Variants in PARD3 observed in about 807,000 individuals in gnomAD.
The protein encoded by PARD3 is par-3 family cell polarity regulator.
Under a neutral mutation model 155.4 loss-of-function variants are expected in PARD3, and 75 were observed. The observed-to-expected ratio is 0.48, with a 90% CI of 0.40 to 0.58. The LOEUF is 0.58. Among genes scored for constraint, PARD3 ranks in the 20% least tolerant of loss-of-function variants. The pLI is 0.00. For missense variants in PARD3, 1,642 were observed against 1,721.7 expected (o/e 0.95, Z 0.82); for synonymous variants, 576 against 610.5 (o/e 0.94, Z 0.83).
At chr10:34,648,191 T>C (rs1042674953) in intron 2 of PARD3, among the ~76,000 whole-genome samples, 1 of 152,202 alleles carries the variant, frequency 6.6e-6, no homozygotes, top group African/African-American at 2.4e-5. Flanking sequence ...TGCAAACCTA[T>C]AAAGCCCAGT....
chr10:34,185,811 C>T (rs1564464495), intron 22 of PARD3, among the ~76,000 whole-genome samples: 1 of 143,706 alleles, frequency 7.0e-6, no homozygotes, highest in East Asian at 2.0e-4. Flanking sequence ...GTAACATCTT[C>T]TATATTATAT....
At chr10:34,606,070 T>G (rs1456998682) in intron 2 of PARD3, among the ~76,000 whole-genome samples, 1 of 144,916 alleles carries the variant, frequency 6.9e-6, no homozygotes, top group Non-Finnish European at 1.5e-5. Flanking sequence ...GAGGAAAAAC[T>G]CCCCTTTATA....
At chr10:34,442,513 G>A (rs1166466012) in intron 5 of PARD3, among the ~76,000 whole-genome samples, 1 of 152,192 alleles carries the variant, frequency 6.6e-6, no homozygotes, top group African/African-American at 2.4e-5. Context: ...AAGGAGGCGA[G>A]GCTACGCATT....
At chr10:34,495,634 G>A (rs1224508010) in intron 3 of PARD3, among the ~76,000 whole-genome samples, 1 of 152,174 alleles carries the variant, frequency 6.6e-6, no homozygotes, top group Admixed American at 6.5e-5. Context: ...GTATGGGGCA[G>A]AAAATATATT....
At chr10:34,612,534 C>G (rs2090986255) in intron 2 of PARD3, among the ~76,000 whole-genome samples, 1 of 152,180 alleles carries the variant, frequency 6.6e-6, no homozygotes, top group South Asian at 2.1e-4. Flanking sequence ...GGCACAATGT[C>G]TGGTGCTCTA....
At position 34,165,539 on chromosome 10, in the gene PARD3, G is replaced by A. The variant is rs189570749; in HGVS notation, c.3420-33956C>T. On this transcript the variant is annotated intron_variant, in intron 22 of 24. Coordinates refer to ENST00000374788, the MANE Select transcript of PARD3 (RefSeq NM_001184785.2). ...CAAGAGGAAAAACCGCTTTGTTCTTGCACAAGGCTAATGCACAGAGCCAGT... is the reference window on the plus strand; with the variant it reads ...CAAGAGGAAAAACCGCTTTGTTCTTACACAAGGCTAATGCACAGAGCCAGT... Among the ~76,000 whole-genome samples, 477 of 152,282 alleles carry A rather than the reference G, an allele frequency of 3.1e-3. 6 individuals are homozygous for A. The highest frequency in any genetic ancestry group is 0.011 in the African/African-American group (437 of 41,544).
chr10:34,619,832 G>C, intron 2 of PARD3, among the ~76,000 whole-genome samples: 1 of 152,158 alleles, frequency 6.6e-6, no homozygotes, highest in East Asian at 1.9e-4. Context: ...CAATGTTTGA[G>C]AGCTCTGACT....
In PARD3 at chr10:34,663,620, C is replaced by T. The variant is rs554939970; in HGVS notation, c.222+32698G>A. On this transcript the variant is annotated intron_variant, in intron 2 of 24. Coordinates refer to ENST00000374788, the MANE Select transcript of PARD3 (RefSeq NM_001184785.2). ...TTTAAAAAAAGTTCCTTCTCTACTT[C>T]CAAGCATCTGATTTTAGACGAAGAT... 2.6e-5 allele frequency among the ~76,000 whole-genome samples: 4 copies of T among 152,206 alleles called. No homozygotes were observed. The East Asian group carries it at 5.8e-4, about 22-fold the overall frequency.
chr10:34,138,983 C>G (rs1323648327), intron 22 of PARD3, among the ~76,000 whole-genome samples: 1 of 148,974 alleles, frequency 6.7e-6, no homozygotes, highest in African/African-American at 2.5e-5. Context: ...AAGAAAAAAG[C>G]TTTTTCCTAT....
intron 2 of PARD3, among the ~76,000 whole-genome samples, chr10:34,649,844 T>C (rs898848788): frequency 6.6e-6 from 1 of 152,190 alleles, no homozygotes; most frequent in Non-Finnish European, 1.5e-5. Flanking sequence ...ACAAAAATAT[T>C]TCCTTTCTAT....
chr10:34,583,216 AAGTT>A (rs2087661404), intron 2 of PARD3, among the ~76,000 whole-genome samples: 1 of 152,206 alleles, frequency 6.6e-6, no homozygotes, highest in African/African-American at 2.4e-5. Context: ...ATAACCATCT[AAGTT>A]TTTGGTTTAA....
chr10:34,589,075 T>C (rs1276509629), intron 2 of PARD3, among the ~76,000 whole-genome samples: 3 of 151,768 alleles, frequency 2.0e-5, no homozygotes, highest in Non-Finnish European at 4.4e-5. Flanking sequence ...TATGTATACA[T>C]AGAGAGAGAG....
intron 14 of PARD3, among the ~76,000 whole-genome samples, chr10:34,350,392 C>A (rs1012468000): frequency 3.3e-5 from 5 of 152,144 alleles, no homozygotes; most frequent in Non-Finnish European, 5.9e-5. Flanking sequence ...CGCCTGTAAT[C>A]CCAGCACTTT....
intron 2 of PARD3, among the ~76,000 whole-genome samples, chr10:34,616,187 C>T (rs1241907221): frequency 2.0e-5 from 3 of 152,016 alleles, no homozygotes; most frequent in Non-Finnish European, 4.4e-5. Flanking sequence ...TATGGTAGCA[C>T]ATACCTGTAC....
In PARD3 at chr10:34,345,633, C is replaced by G. The variant is rs1047055752; in HGVS notation, c.2218+2332G>C. On this transcript the variant is annotated intron_variant, in intron 15 of 24. Transcript: ENST00000374788. ...TTTAGGCGAATGGAAATCCAAAGTCCTAATGTCTTTGGAACTATGGAATTC... is the reference window on the plus strand; with the variant it reads ...TTTAGGCGAATGGAAATCCAAAGTCGTAATGTCTTTGGAACTATGGAATTC... The G allele has an allele frequency of 3.0e-6, 3 of 985,182 alleles. No individual in the cohort carries two copies. In the African/African-American group the frequency reaches 5.2e-5, roughly 17 times the overall value. The allele number at this position is 985,182 out of a possible 1,614,324, so 61.0% of individuals were successfully genotyped here.
At chr10:34,487,997 C>A (rs1287178583) in intron 3 of PARD3, among the ~76,000 whole-genome samples, 2 of 151,978 alleles carry the variant, frequency 1.3e-5, no homozygotes, top group Non-Finnish European at 2.9e-5. Context: ...AGCATTATTC[C>A]CCCATTTCTT....
At chr10:34,636,646 C>T (rs1177886049) in intron 2 of PARD3, among the ~76,000 whole-genome samples, 1 of 152,220 alleles carries the variant, frequency 6.6e-6, no homozygotes, top group Non-Finnish European at 1.5e-5. Flanking sequence ...CTAATGTTGT[C>T]ACCCAATTAG....
At chr10:34,492,154 A>G (rs1294152783) in intron 3 of PARD3, among the ~76,000 whole-genome samples, 2 of 152,240 alleles carry the variant, frequency 1.3e-5, no homozygotes, top group Non-Finnish European at 2.9e-5. Context: ...ATGTATCTAC[A>G]TTAGTACGGA....
At chr10:34,502,834 G>C (rs1308354131) in intron 3 of PARD3, among the ~76,000 whole-genome samples, 1 of 152,146 alleles carries the variant, frequency 6.6e-6, no homozygotes, top group African/African-American at 2.4e-5. Context: ...ACAGATCTTA[G>C]ACAAGGGGGA....
Sources: allele counts gnomAD v4.1 joint callset (sites outside exome capture counted in the v4.1 genomes callset), GRCh38; gene constraint gnomAD v4.1.1; transcripts MANE v1.5; gene names NCBI Gene and HGNC (gene_info 2026-07-23, HGNC 2026-07-21).